Variants in GABRA2 observed in about 807,000 individuals in gnomAD.
GABRA2 encodes the protein gamma-aminobutyric acid type A receptor subunit alpha2.
A neutral mutation model predicts 48.7 loss-of-function variants in GABRA2; 16 were observed. The observed-to-expected ratio is 0.33, with a 90% CI of 0.22 to 0.50. GABRA2 has a LOEUF of 0.50. Ranked by LOEUF, GABRA2 falls within the 20% of genes least tolerant of loss-of-function variation. The pLI is 0.98. For synonymous variants in GABRA2, 185 were observed against 184.5 expected, an observed-to-expected ratio of 1.00 and a Z score of -0.02; for missense variants, 275 against 535.6, an observed-to-expected ratio of 0.51 and a Z score of 4.80.
At chr4:46,380,658 A>G (rs889890027) in intron 3 of GABRA2, among the ~76,000 whole-genome samples, 2 of 152,220 alleles carry the variant, frequency 1.3e-5, no homozygotes, top group South Asian at 2.1e-4. Flanking sequence ...TGAAAGTCAT[A>G]TAGTTAATAT....
Position 46,369,458 on chromosome 4 carries a change from G to A in GABRA2, c.187+16616C>T, listed in dbSNP as rs1023850407. Among the ~76,000 whole-genome samples the A allele has an allele frequency of 4.6e-5, 7 of 152,086 alleles. 1 individual carries two copies. The South Asian group carries it at 8.3e-4, about 18-fold the overall frequency. On this transcript the variant is annotated intron_variant, in intron 3 of 9. Coordinates refer to ENST00000381620, the MANE Select transcript of GABRA2 (RefSeq NM_000807.4). ...AAGCAAGAAACTGAATAGGAGTAAA[G>A]AGAATTTGAAAAATTATTTTCAGAT...
At chr4:46,375,982 A>G (rs1241213352) in intron 3 of GABRA2, among the ~76,000 whole-genome samples, 2 of 152,222 alleles carry the variant, frequency 1.3e-5, no homozygotes, top group Admixed American at 1.3e-4. Flanking sequence ...AAACTTCAAT[A>G]GAATGTTCTT....
intron 4 of GABRA2, among the ~76,000 whole-genome samples, chr4:46,324,671 A>C (rs184137079): frequency 1.3e-5 from 2 of 151,656 alleles, no homozygotes; most frequent in African/African-American, 4.8e-5. Context: ...TTATTTTGTC[A>C]CCCGGGTAGT....
At chr4:46,343,297 A>T (rs982310761) in intron 3 of GABRA2, among the ~76,000 whole-genome samples, 3 of 152,054 alleles carry the variant, frequency 2.0e-5, no homozygotes, top group African/African-American at 7.2e-5. Flanking sequence ...AAGAACATAT[A>T]ATTTCTGGAA....
intron 8 of GABRA2, among the ~76,000 whole-genome samples, chr4:46,275,133 T>G (rs920041953): frequency 5.9e-5 from 9 of 152,076 alleles, no homozygotes; most frequent in Admixed American, 2.0e-4. Flanking sequence ...GCACAGAATC[T>G]CTTCTGAGTG....
intron 3 of GABRA2, chr4:46,365,508 T>C (rs1421580177): frequency 6.6e-6 from 1 of 152,270 alleles, no homozygotes; most frequent in African/African-American, 2.4e-5. Flanking sequence ...CTCCACATTA[T>C]GACATGTTCG....
Position 46,247,164 on chromosome 4 carries a change from T to C in GABRA2, c.*3144A>G, listed in dbSNP as rs1445042162. ...CAAAATAGAGAGATACCTGAAAAGA[T>C]TTCTAAACATTAAGATTGGCACTTA... On this transcript the variant is annotated 3_prime_UTR_variant, in exon 10 of 10. Transcript: ENST00000381620. Among the ~76,000 whole-genome samples, 1 of 151,130 alleles carries C rather than the reference T, an allele frequency of 6.6e-6. No individual in the cohort carries two copies. The highest frequency in any genetic ancestry group is 1.5e-5 in the Non-Finnish European group (1 of 67,474).
chr4:46,335,993 C>A (rs559758399), intron 3 of GABRA2, among the ~76,000 whole-genome samples: 1 of 152,004 alleles, frequency 6.6e-6, no homozygotes, highest in Non-Finnish European at 1.5e-5. Context: ...TTCAACTTTG[C>A]CTTTATTTTA....
At chr4:46,318,028 C>G (rs1018411624) in intron 4 of GABRA2, among the ~76,000 whole-genome samples, 6 of 151,198 alleles carry the variant, frequency 4.0e-5, no homozygotes, top group African/African-American at 1.5e-4. Context: ...TAACCAATAG[C>G]CAATGACACA....
At position 46,250,298 on chromosome 4, in the gene GABRA2, G is replaced by A. The variant is rs543546219; in HGVS notation, c.*10C>T. 5 of 1,600,098 alleles carry A rather than the reference G, an allele frequency of 3.1e-6. No homozygotes were observed. In the South Asian group the frequency reaches 5.6e-5, roughly 18 times the overall value. ...TTGCTATACATCCCAAAGATAACAT[G>A]GGTCTCAATTCAAGGACTGACCCCT... On this transcript the variant is annotated 3_prime_UTR_variant, in exon 10 of 10. Transcript: ENST00000381620.
intron 4 of GABRA2, among the ~76,000 whole-genome samples, chr4:46,326,036 T>G (rs781252293): frequency 6.6e-6 from 1 of 152,026 alleles, no homozygotes; most frequent in African/African-American, 2.4e-5. Flanking sequence ...TTGCTTAGAT[T>G]TGCTTTGGCT....
chr4:46,348,791 G>A (rs1457519823), intron 3 of GABRA2, among the ~76,000 whole-genome samples: 2 of 116,232 alleles, frequency 1.7e-5, no homozygotes, highest in African/African-American at 6.5e-5. Context: ...GGGGGGAGGG[G>A]GGAGGGATAG....
Position 46,249,482 on chromosome 4 carries a change from C to T in GABRA2, c.*826G>A, listed in dbSNP as rs1193812758. 2 of 151,376 alleles carry T rather than the reference C, an allele frequency of 1.3e-5. No individual in the cohort carries two copies. The highest frequency in any genetic ancestry group is 3.0e-5 in the Non-Finnish European group (2 of 67,662). 9.4% of individuals were successfully genotyped at this position (151,376 alleles called of 1,614,324 possible). A position where few individuals can be genotyped will look rare whatever the true frequency, so the allele number is the denominator to read the frequency against. On this transcript the variant is annotated 3_prime_UTR_variant, in exon 10 of 10. Transcript: ENST00000381620. ...AACCAAACTGGATGCTTTTTCCAGT[C>T]TCCAGCACCCGTAAAATTTAGCTGA... is the stretch of plus-strand genomic sequence containing the variant.
At chr4:46,272,862 C>T (rs1485522055) in intron 8 of GABRA2, among the ~76,000 whole-genome samples, 1 of 151,926 alleles carries the variant, frequency 6.6e-6, no homozygotes, top group Admixed American at 6.6e-5. Flanking sequence ...TTTGATTATG[C>T]TAAGGTAATA....
At chr4:46,269,402 G>A (rs1718860440) in intron 8 of GABRA2, among the ~76,000 whole-genome samples, 1 of 151,844 alleles carries the variant, frequency 6.6e-6, no homozygotes, top group African/African-American at 2.4e-5. Context: ...AAAAGCCAGA[G>A]TGGCAAATTG....
intron 4 of GABRA2, among the ~76,000 whole-genome samples, chr4:46,319,921 A>G (rs1729167833): frequency 6.6e-6 from 1 of 151,784 alleles, no homozygotes; most frequent in South Asian, 2.1e-4. Flanking sequence ...CATATGCAAA[A>G]TTATACCAAT....
At chr4:46,276,081 T>C (rs889861317) in intron 8 of GABRA2, among the ~76,000 whole-genome samples, 1 of 152,062 alleles carries the variant, frequency 6.6e-6, no homozygotes, top group Non-Finnish European at 1.5e-5. Context: ...TAAACATTAC[T>C]CTTACCAAAA....
chr4:46,273,873 A>G (rs1719972702), intron 8 of GABRA2, among the ~76,000 whole-genome samples: 1 of 152,068 alleles, frequency 6.6e-6, no homozygotes, highest in South Asian at 2.1e-4. Context: ...AAGCATATCT[A>G]TTCATTTTAA....
At chr4:46,318,160 T>A (rs925082825) in intron 4 of GABRA2, among the ~76,000 whole-genome samples, 4 of 151,314 alleles carry the variant, frequency 2.6e-5, no homozygotes, top group Admixed American at 1.3e-4. Flanking sequence ...TTAAAAATAA[T>A]AAACCATTTA....
Sources: gnomAD v4.1 joint callset for allele counts (sites outside exome capture counted in the v4.1 genomes callset) on GRCh38, gnomAD v4.1.1 for gene constraint, MANE v1.5 for transcripts, NCBI Gene and HGNC (gene_info 2026-07-23, HGNC 2026-07-21) for gene names.